FGGY: variants seen among roughly 807,000 people sequenced by gnomAD.
FGGY encodes the protein FGGY carbohydrate kinase domain-containing protein.
A neutral mutation model predicts 71.3 loss-of-function variants in FGGY; 72 were observed. The observed-to-expected ratio is 1.01, with a 90% confidence interval of 0.84 to 1.23. The LOEUF (loss-of-function observed/expected upper bound fraction) is 1.23. FGGY is among the 50% of genes most tolerant of loss of function. The probability of loss-of-function intolerance (pLI) is 0.00; values close to 1 mark genes in which losing one functional copy is unlikely to be tolerated. For synonymous variants in FGGY, 251 were observed against 250.3 expected (o/e 1.00, Z -0.02); for missense variants, 668 against 682.3 (o/e 0.98, Z 0.23).
chr1:59,589,352 C>G (rs889640688), intron 8 of FGGY, among the ~76,000 whole-genome samples: 1 of 151,988 alleles, frequency 6.6e-6, no homozygotes, highest in African/African-American at 2.4e-5. Context: ...ACTTTAACAC[C>G]CCACTGTCAA....
rs181310015 is a variant in FGGY at position 59,612,143 on chromosome 1, G to C, written c.1011+4233G>C. Among the ~76,000 whole-genome samples, 568 of 152,236 alleles carry C rather than the reference G, an allele frequency of 3.7e-3. 4 individuals are homozygous for C. Among genetic ancestry groups the C allele is most frequent in the African/African-American group, 0.013 (541 of 41,514 alleles). On this transcript the variant is annotated intron_variant, in intron 9 of 15. Coordinates refer to ENST00000303721, the MANE Select transcript of FGGY (RefSeq NM_018291.5). ...AACATTCAGATTCAGGAAATACAGA[G>C]AATGCCACAAAGATACTCCTCGAGA...
intron 14 of FGGY, among the ~76,000 whole-genome samples, chr1:59,682,721 C>T (rs952548772): frequency 6.6e-6 from 1 of 152,220 alleles, no homozygotes. Flanking sequence ...GGCCACATCT[C>T]TAAGCTCAGA....
chr1:59,394,071 GGAA>G (rs2061025020), intron 5 of FGGY, among the ~76,000 whole-genome samples: 1 of 152,154 alleles, frequency 6.6e-6, no homozygotes, highest in South Asian at 2.1e-4. Flanking sequence ...ATCTGTTGGG[GGAA>G]AAGTCTGCCT....
At chr1:59,688,067 C>T (rs1192744414) in intron 14 of FGGY, among the ~76,000 whole-genome samples, 7 of 152,170 alleles carry the variant, frequency 4.6e-5, no homozygotes, top group South Asian at 2.1e-4. Flanking sequence ...ACTGCCTATA[C>T]ACCCAGCTGA....
chr1:59,753,834 G>T (rs966480639), intron 14 of FGGY, among the ~76,000 whole-genome samples: 1 of 151,970 alleles, frequency 6.6e-6, no homozygotes, highest in Non-Finnish European at 1.5e-5. Flanking sequence ...GTGCAGTAGA[G>T]CTAGTTTTTC....
At chr1:59,589,913 C>T (rs1312394334) in intron 8 of FGGY, among the ~76,000 whole-genome samples, 9 of 152,086 alleles carry the variant, frequency 5.9e-5, no homozygotes, top group African/African-American at 2.2e-4. Context: ...CAAAAGCTAG[C>T]AGAAGGCAAG....
intron 14 of FGGY, among the ~76,000 whole-genome samples, chr1:59,688,704 G>A (rs528926479): frequency 2.6e-5 from 4 of 151,976 alleles, no homozygotes; most frequent in Non-Finnish European, 5.9e-5. Flanking sequence ...ACTTGGGGAC[G>A]TCCAAGAACT....
chr1:59,684,921 T>G (rs1573159936), intron 14 of FGGY, among the ~76,000 whole-genome samples: 1 of 152,246 alleles, frequency 6.6e-6, no homozygotes, highest in South Asian at 2.1e-4. Context: ...AAAAGTACTA[T>G]TATCATTCCC....
At chr1:59,651,321 C>G (rs1395455608) in intron 11 of FGGY, among the ~76,000 whole-genome samples, 2 of 151,246 alleles carry the variant, frequency 1.3e-5, no homozygotes, top group Admixed American at 6.6e-5. Flanking sequence ...GACTTTCTGT[C>G]TCGTTGATCT....
intron 14 of FGGY, among the ~76,000 whole-genome samples, chr1:59,747,438 A>T (rs1350157243): frequency 2.0e-5 from 3 of 152,216 alleles, no homozygotes; most frequent in Non-Finnish European, 2.9e-5. Context: ...TTGCTAGGAA[A>T]ACACTGTGGG....
At chr1:59,363,456 A>AT (rs1026980201) in intron 4 of FGGY, among the ~76,000 whole-genome samples, 12 of 152,230 alleles carry the variant, frequency 7.9e-5, no homozygotes, top group Non-Finnish European at 1.0e-4. Context: ...ACCCTATGGC[A>AT]TAGGCACTAT....
chr1:59,657,642 G>A (rs1399826760), intron 11 of FGGY, among the ~76,000 whole-genome samples: 1 of 152,212 alleles, frequency 6.6e-6, no homozygotes, highest in Non-Finnish European at 1.5e-5. Flanking sequence ...GCAGCTCACA[G>A]AAAGTGTTCC....
chr1:59,738,012 CA>C (rs1368176709), intron 14 of FGGY, among the ~76,000 whole-genome samples: 1 of 152,122 alleles, frequency 6.6e-6, no homozygotes, highest in Non-Finnish European at 1.5e-5. Context: ...ATACCATTTA[CA>C]AAGTAAAAGA....
At chr1:59,618,202 A>C (rs77082360) in intron 9 of FGGY, among the ~76,000 whole-genome samples, 5,648 of 152,268 alleles carry the variant, frequency 0.037, 210 homozygotes, top group African/African-American at 0.098. Flanking sequence ...AATAGATAGT[A>C]CAATCACTAT....
chr1:59,450,122 A>T (rs2072348347), intron 5 of FGGY, among the ~76,000 whole-genome samples: 1 of 152,242 alleles, frequency 6.6e-6, no homozygotes, highest in Non-Finnish European at 1.5e-5. Context: ...CATATATTCT[A>T]TATAATTATT....
At position 59,471,735 on chromosome 1, in the gene FGGY, G is replaced by A. The variant is rs557029096; in HGVS notation, c.670+14659G>A. Among the ~76,000 whole-genome samples the A allele has an allele frequency of 7.2e-5, 11 of 152,302 alleles. No individual in the cohort carries two copies. In the South Asian group the frequency reaches 2.3e-3, roughly 32 times the overall value. ...TGGGCTAAGTCCTAGGGATACAAAA[G>A]TGAATTCATCATGGTCTATCCCTTT... On this transcript the variant is annotated intron_variant, in intron 6 of 15. Transcript: ENST00000303721.
At chr1:59,518,874 C>T (rs954794239) in intron 7 of FGGY, among the ~76,000 whole-genome samples, 11 of 152,084 alleles carry the variant, frequency 7.2e-5, no homozygotes, top group Admixed American at 3.3e-4. Flanking sequence ...TATAGCAATG[C>T]GAGAATGGAC....
intron 1 of FGGY, among the ~76,000 whole-genome samples, chr1:59,311,060 G>GTATTAAC (rs1384199063): frequency 6.6e-6 from 1 of 152,086 alleles, no homozygotes; most frequent in Non-Finnish European, 1.5e-5. Flanking sequence ...CAGGTAGTCT[G>GTATTAAC]TATTAACTGG....
chr1:59,555,658 G>C (rs942072168), intron 8 of FGGY, among the ~76,000 whole-genome samples: 3 of 152,138 alleles, frequency 2.0e-5, no homozygotes, highest in African/African-American at 7.2e-5. Flanking sequence ...ATTTCCTTCT[G>C]TTTGGGCTCT....
Sources: allele counts gnomAD v4.1 joint callset (sites outside exome capture counted in the v4.1 genomes callset), GRCh38; gene constraint gnomAD v4.1.1; transcripts MANE v1.5; gene names NCBI Gene and HGNC (gene_info 2026-07-23, HGNC 2026-07-21).